Variants in SLC22A23 observed in about 807,000 individuals in gnomAD.
SLC22A23 encodes solute carrier family 22 member 23.
In SLC22A23, 26 loss-of-function variants were observed where a neutral mutation model predicts 61.0. The observed-to-expected ratio is 0.43, with a 90% confidence interval of 0.31 to 0.59. The LOEUF (loss-of-function observed/expected upper bound fraction) is 0.59. SLC22A23 is among the 20% of genes least tolerant of loss of function. The probability of loss-of-function intolerance (pLI) is 0.11; values close to 1 mark genes in which losing one functional copy is unlikely to be tolerated. For synonymous variants in SLC22A23, 430 were observed against 413.9 expected (o/e 1.04, Z -0.47); for missense variants, 796 against 934.7 (o/e 0.85, Z 1.94).
At chr6:3,292,252 C>T (rs935317377) in intron 5 of SLC22A23, among the ~76,000 whole-genome samples, 2 of 152,232 alleles carry the variant, frequency 1.3e-5, no homozygotes, top group Admixed American at 6.5e-5. Flanking sequence ...GTGCCGAGTT[C>T]TCCCATCCGG....
Position 3,453,152 on chromosome 6 carries a change from T to C in SLC22A23, c.654+2754A>G, listed in dbSNP as rs564276537. ...CACATGCCAACCAGAGCGATAAGTATGGCAAATTTTTGCACGTATGGAATA... is the reference window on the plus strand; with the variant it reads ...CACATGCCAACCAGAGCGATAAGTACGGCAAATTTTTGCACGTATGGAATA... On this transcript the variant is annotated intron_variant, in intron 1 of 9. Coordinates refer to ENST00000406686, the MANE Select transcript of SLC22A23 (RefSeq NM_015482.2). Among the ~76,000 whole-genome samples the C allele has an allele frequency of 2.0e-5, 3 of 152,320 alleles. No individual in the cohort carries two copies. The East Asian group carries it at 5.8e-4, about 29-fold the overall frequency.
chr6:3,417,610 T>A (rs1769815697), intron 1 of SLC22A23, among the ~76,000 whole-genome samples: 1 of 152,212 alleles, frequency 6.6e-6, no homozygotes, highest in African/African-American at 2.4e-5. Flanking sequence ...AGGCAAGTTC[T>A]TGGGCCCCAT....
rs546534410 is a variant in SLC22A23, at chr6:3,269,676, C to T, written c.*3379G>A. 5.2e-5 allele frequency: 8 copies of T among 152,834 alleles called. No individual in the cohort carries two copies. Among genetic ancestry groups the T allele is most frequent in the Non-Finnish European group, 7.3e-5 (5 of 68,036 alleles). The allele number at this position is 152,834 out of a possible 1,614,324, so 9.5% of individuals were successfully genotyped here. ...CCTCAAGGACAGGGAGGGAAGTGTT[C>T]GCCGCTAGACATGACACACCATACT... On this transcript the variant is annotated 3_prime_UTR_variant, in exon 10 of 10. Transcript: ENST00000406686.
intron 5 of SLC22A23, chr6:3,290,105 A>G: frequency 1.8e-6 from 1 of 562,602 alleles, no homozygotes; most frequent in South Asian, 2.0e-5. Context: ...ACCAAGGTGC[A>G]CCGTCAGCAG....
intron 5 of SLC22A23, among the ~76,000 whole-genome samples, chr6:3,295,251 AAC>A (rs1317117805): frequency 6.6e-6 from 1 of 152,196 alleles, no homozygotes; most frequent in Non-Finnish European, 1.5e-5. Flanking sequence ...CTGAAGTTGT[AAC>A]AGTGAATAAC....
At chr6:3,383,126 G>T (rs1767058301) in intron 3 of SLC22A23, among the ~76,000 whole-genome samples, 1 of 152,180 alleles carries the variant, frequency 6.6e-6, no homozygotes, top group Admixed American at 6.5e-5. Context: ...TATTCAGACA[G>T]CAGAGAAACA....
intron 3 of SLC22A23, among the ~76,000 whole-genome samples, chr6:3,399,605 T>C (rs547606493): frequency 6.6e-6 from 1 of 152,278 alleles, no homozygotes; most frequent in South Asian, 2.1e-4. Context: ...TATTTAACAA[T>C]ATGAACAAAA....
At chr6:3,298,452 C>T (rs1761306571) in intron 4 of SLC22A23, among the ~76,000 whole-genome samples, 2 of 151,888 alleles carry the variant, frequency 1.3e-5, no homozygotes, top group Non-Finnish European at 2.9e-5. Flanking sequence ...CACATGTTCT[C>T]ACCCACGTAT....
intron 1 of SLC22A23, among the ~76,000 whole-genome samples, chr6:3,444,557 A>G (rs1419552432): frequency 2.0e-5 from 3 of 152,194 alleles, no homozygotes; most frequent in African/African-American, 4.8e-5. Context: ...TCAATGGCAT[A>G]AACTCAGATT....
chr6:3,362,484 T>C (rs571876342), intron 3 of SLC22A23, among the ~76,000 whole-genome samples: 25 of 149,738 alleles, frequency 1.7e-4, no homozygotes, highest in African/African-American at 5.4e-4. Context: ...CCACCAAGGA[T>C]ACTGTTTCCT....
At chr6:3,290,733 G>T (rs61413368) in intron 5 of SLC22A23, 16,140 of 152,604 alleles carry the variant, frequency 0.11, 1,167 homozygotes, top group African/African-American at 0.2. Context: ...TGGTGGGGGT[G>T]CTGGCCTCCA....
rs1762163670 is a variant in SLC22A23 at position 3,308,778 on chromosome 6, A to T, written c.1083-10560T>A. 6.6e-6 allele frequency among the ~76,000 whole-genome samples: 1 copy of T among 151,450 alleles called. No individual in the cohort carries two copies. Among genetic ancestry groups the T allele is most frequent in the Non-Finnish European group, 1.5e-5 (1 of 67,876 alleles). ...ACCAACATGGTGAAACCCCGTCTCT[A>T]CTAAAAATACAGAAATTAGCCAAGC... On this transcript the variant is annotated intron_variant, in intron 4 of 9. Coordinates refer to ENST00000406686, the MANE Select transcript of SLC22A23 (RefSeq NM_015482.2). This position sits in a 1 kb window ranked among gnomAD's most constrained non-coding sequence, Gnocchi z 5.1.
At chr6:3,375,770 T>C (rs1766523553) in intron 3 of SLC22A23, among the ~76,000 whole-genome samples, 1 of 152,240 alleles carries the variant, frequency 6.6e-6, no homozygotes, top group African/African-American at 2.4e-5. Flanking sequence ...TGGTCACTAC[T>C]GGCAAAGACC....
chr6:3,453,146 T>C (rs547675252), intron 1 of SLC22A23, among the ~76,000 whole-genome samples: 30 of 152,324 alleles, frequency 2.0e-4, no homozygotes, highest in Middle Eastern at 3.4e-3. Context: ...ACCAGAGCGA[T>C]AAGTATGGCA....
intron 3 of SLC22A23, among the ~76,000 whole-genome samples, chr6:3,350,426 G>A (rs1163450233): frequency 1.3e-5 from 2 of 152,226 alleles, no homozygotes; most frequent in African/African-American, 4.8e-5. Flanking sequence ...TATCTCTTGT[G>A]TGAAGTTTAT....
intron 3 of SLC22A23, among the ~76,000 whole-genome samples, chr6:3,409,051 G>A (rs1380880568): frequency 2.6e-5 from 4 of 152,196 alleles, no homozygotes; most frequent in South Asian, 2.1e-4. Flanking sequence ...CCCAATACTC[G>A]CATTATTTAT....
chr6:3,321,486 A>G (rs1336591335), intron 4 of SLC22A23, among the ~76,000 whole-genome samples: 3 of 152,228 alleles, frequency 2.0e-5, no homozygotes, highest in African/African-American at 7.2e-5. Context: ...TTAAAACTGT[A>G]TATTTCAAAG....
intron 3 of SLC22A23, among the ~76,000 whole-genome samples, chr6:3,405,957 A>T (rs749430178): frequency 6.6e-6 from 1 of 152,182 alleles, no homozygotes; most frequent in African/African-American, 2.4e-5. Flanking sequence ...CATTTATCCA[A>T]TCATTTAGGC....
At chr6:3,300,479 T>C (rs535073438) in intron 4 of SLC22A23, among the ~76,000 whole-genome samples, 1 of 152,258 alleles carries the variant, frequency 6.6e-6, no homozygotes, top group South Asian at 2.1e-4. Flanking sequence ...AGAGGTGCCT[T>C]GCCCCTTCCC....
Sources: gnomAD v4.1 joint callset for allele counts (sites outside exome capture counted in the v4.1 genomes callset) on GRCh38, gnomAD v4.1.1 for gene constraint, Gnocchi (gnomAD v3.1) non-coding constraint, MANE v1.5 for transcripts, NCBI Gene and HGNC (gene_info 2026-07-23, HGNC 2026-07-21) for gene names.